PDE10A: variants seen among roughly 807,000 people sequenced by gnomAD.
PDE10A encodes phosphodiesterase 10A.
A neutral mutation model predicts 97.7 loss-of-function variants in PDE10A; 39 were observed. That is an observed-to-expected ratio of 0.40 (90% CI 0.31 to 0.52). The LOEUF (loss-of-function observed/expected upper bound fraction) is 0.52. PDE10A is among the 20% of genes least tolerant of loss of function. The pLI is 0.56. For missense variants in PDE10A, 731 were observed against 1,047.8 expected (o/e 0.70, Z 4.17); for synonymous variants, 371 against 376.8 (o/e 0.98, Z 0.18).
chr6:165,954,169 T>C (rs1462475164), intron 1 of PDE10A, among the ~76,000 whole-genome samples: 2 of 152,226 alleles, frequency 1.3e-5, no homozygotes, highest in Non-Finnish European at 2.9e-5. Context: ...GGTATCCTGG[T>C]TGCTTTCAGT....
At position 165,392,939 on chromosome 6, in the gene PDE10A, C is replaced by T. The variant is rs866197507; in HGVS notation, c.2304-143G>A. Reference sequence around the variant, plus strand: ...TTTCCACCCTGACTGAATCCATGAGCACTGGAAACTCATTCACCAGTTCCC... The same window carrying T: ...TTTCCACCCTGACTGAATCCATGAGTACTGGAAACTCATTCACCAGTTCCC... On this transcript the variant is annotated intron_variant, in intron 15 of 21. Coordinates refer to ENST00000539869, the MANE Select transcript of PDE10A (RefSeq NM_001385079.1). The T allele has an allele frequency of 8.4e-5, 58 of 693,984 alleles. No homozygotes were observed. In the Middle Eastern group the frequency reaches 2.8e-3, roughly 34 times the overall value. The allele number at this position is 693,984 out of a possible 1,614,324, so 43.0% of individuals were successfully genotyped here.
intron 2 of PDE10A, among the ~76,000 whole-genome samples, chr6:165,529,422 C>G (rs1471534368): frequency 6.6e-6 from 1 of 152,244 alleles, no homozygotes; most frequent in East Asian, 1.9e-4. Context: ...GTCCAGACCC[C>G]TCAGGAATGA....
chr6:165,365,922 A>G (rs1160542358), intron 18 of PDE10A, among the ~76,000 whole-genome samples: 1 of 152,204 alleles, frequency 6.6e-6, no homozygotes, highest in Non-Finnish European at 1.5e-5. Flanking sequence ...TTAATAGATT[A>G]CATGCAAATA....
At chr6:165,814,381 C>T (rs1471926625) in intron 1 of PDE10A, among the ~76,000 whole-genome samples, 2 of 152,274 alleles carry the variant, frequency 1.3e-5, no homozygotes, top group Admixed American at 6.5e-5. Context: ...CCATTATGAA[C>T]ATCACGTGAA....
rs1314994932 is a variant in PDE10A, at chr6:165,467,141, C to T, written c.1023+15174G>A. On this transcript the variant is annotated intron_variant, in intron 3 of 21. Transcript: ENST00000539869. ...AAGACTGAGAGATGTGGGAAAGCTG[C>T]AGAAGAAAAGTTTGAAGCTAGTAGA... Among the ~76,000 whole-genome samples the T allele has an allele frequency of 1.3e-5, 2 of 152,112 alleles. 1 individual carries two copies. Among genetic ancestry groups the T allele is most frequent in the Non-Finnish European group, 2.9e-5 (2 of 68,032 alleles).
chr6:165,816,240 C>T (rs576378045), intron 1 of PDE10A, among the ~76,000 whole-genome samples: 7 of 152,350 alleles, frequency 4.6e-5, no homozygotes, highest in African/African-American at 7.2e-5. Flanking sequence ...TGAGCCACTG[C>T]GCCTGGCCCA....
At chr6:165,685,245 C>T (rs1791083176) in intron 1 of PDE10A, among the ~76,000 whole-genome samples, 1 of 152,096 alleles carries the variant, frequency 6.6e-6, no homozygotes, top group Non-Finnish European at 1.5e-5. Flanking sequence ...GCAACTGACT[C>T]ATGGGTGCCT....
chr6:165,545,464 G>A (rs185567152), intron 1 of PDE10A, among the ~76,000 whole-genome samples: 76 of 152,008 alleles, frequency 5.0e-4, no homozygotes, highest in South Asian at 1.2e-3. Flanking sequence ...GACTCATTCC[G>A]ACTTGTCATC....
At chr6:165,753,334 C>T (rs1000950827) in intron 1 of PDE10A, among the ~76,000 whole-genome samples, 3 of 152,168 alleles carry the variant, frequency 2.0e-5, no homozygotes, top group Non-Finnish European at 2.9e-5. Context: ...ACAATGATCC[C>T]CGTATGTACG....
At chr6:165,774,601 T>A (rs1160457472) in intron 1 of PDE10A, among the ~76,000 whole-genome samples, 2 of 147,726 alleles carry the variant, frequency 1.4e-5, no homozygotes, top group African/African-American at 4.9e-5. Context: ...ATATAGTATA[T>A]AAAAGTATAT....
chr6:165,550,496 G>A, intron 1 of PDE10A, among the ~76,000 whole-genome samples: 1 of 152,262 alleles, frequency 6.6e-6, no homozygotes, highest in East Asian at 1.9e-4. Flanking sequence ...AGTTATCAAA[G>A]AACAGCTTGA....
At chr6:165,980,227 C>T (rs1784971764) in intron 1 of PDE10A, among the ~76,000 whole-genome samples, 2 of 152,352 alleles carry the variant, frequency 1.3e-5, no homozygotes, top group Middle Eastern at 3.4e-3. Flanking sequence ...AGTGTCTGTA[C>T]TCATGACAGA....
At chr6:165,580,391 T>C (rs536084865) in intron 1 of PDE10A, among the ~76,000 whole-genome samples, 2 of 152,148 alleles carry the variant, frequency 1.3e-5, no homozygotes, top group East Asian at 3.8e-4. Flanking sequence ...ACAAACAGTT[T>C]GATGTTGCCA....
chr6:165,368,130 G>C (rs1370303083), intron 18 of PDE10A, among the ~76,000 whole-genome samples: 1 of 151,994 alleles, frequency 6.6e-6, no homozygotes, highest in Non-Finnish European at 1.5e-5. Context: ...CGAGTGTCTG[G>C]GATTACAGGC....
intron 1 of PDE10A, among the ~76,000 whole-genome samples, chr6:165,825,554 G>T (rs1240116230): frequency 6.6e-6 from 1 of 152,154 alleles, no homozygotes; most frequent in Admixed American, 6.5e-5. Flanking sequence ...TCTACAAAAG[G>T]CTCCTGCTGG....
chr6:165,524,363 C>T (rs937559236), intron 2 of PDE10A, among the ~76,000 whole-genome samples: 22 of 152,054 alleles, frequency 1.4e-4, no homozygotes, highest in African/African-American at 4.6e-4. Flanking sequence ...GACCCCAAAA[C>T]GCTAAGGATT....
chr6:165,438,849 T>TCAGGAGGC (rs1366003022), intron 5 of PDE10A, among the ~76,000 whole-genome samples: 2 of 151,422 alleles, frequency 1.3e-5, no homozygotes, highest in Non-Finnish European at 2.9e-5. Context: ...CACTAGCTAC[T>TCAGGAGGC]CAGGAGGCCG....
At chr6:165,618,386 C>T (rs1242335016) in intron 1 of PDE10A, among the ~76,000 whole-genome samples, 4 of 152,076 alleles carry the variant, frequency 2.6e-5, no homozygotes, top group East Asian at 3.9e-4. Flanking sequence ...TACCCCAAAC[C>T]GGCACATTCA....
At chr6:165,680,337 C>T (rs1430003036) in intron 1 of PDE10A, among the ~76,000 whole-genome samples, 2 of 152,224 alleles carry the variant, frequency 1.3e-5, no homozygotes, top group African/African-American at 4.8e-5. Flanking sequence ...CACCATTCAG[C>T]TGTAGCAACC....
Sources: gnomAD v4.1 joint callset for allele counts (sites outside exome capture counted in the v4.1 genomes callset) on GRCh38, gnomAD v4.1.1 for gene constraint, MANE v1.5 for transcripts, NCBI Gene and HGNC (gene_info 2026-07-23, HGNC 2026-07-21) for gene names.